DNAI3: variants seen among roughly 807,000 people sequenced by gnomAD.
The protein encoded by DNAI3 is WD repeat domain 63.
DNAI3 carries 83 observed loss-of-function variants against 115.5 expected under a neutral mutation model. That is an observed-to-expected ratio of 0.72 (90% confidence interval 0.60 to 0.86). The LOEUF (loss-of-function observed/expected upper bound fraction) is 0.86. DNAI3 is among the 40% of genes least tolerant of loss of function. DNAI3 has a pLI of 0.00. For synonymous variants in DNAI3, 320 were observed against 347.0 expected (o/e 0.92, Z 0.86); for missense variants, 1,004 against 1,075.8 (o/e 0.93, Z 0.93).
chr1:85,063,249 G>C (rs1557702672), intron 1 of DNAI3, among the ~76,000 whole-genome samples: 1 of 151,988 alleles, frequency 6.6e-6, no homozygotes, highest in Non-Finnish European at 1.5e-5. Flanking sequence ...TTCGGCTTTG[G>C]GGGAAAAGTT....
intron 21 of DNAI3, among the ~76,000 whole-genome samples, chr1:85,129,734 G>A (rs1656256546): frequency 6.6e-6 from 1 of 152,150 alleles, no homozygotes; most frequent in Admixed American, 6.5e-5. Flanking sequence ...CCCCTGAATT[G>A]TACCAGCTCC....
At chr1:85,094,279 C>A in intron 9 of DNAI3, 152 bp from the exon 10 acceptor site, 2 of 1,013,934 alleles carry the variant, frequency 2.0e-6, no homozygotes, top group Non-Finnish European at 2.9e-6. Context: ...TAACTAGTGG[C>A]AACCACATTA....
chr1:85,072,106 T>C (rs1360233491), intron 2 of DNAI3, 101 bp downstream of exon 2: 1 of 1,172,756 alleles, frequency 8.5e-7, no homozygotes, highest in African/African-American at 1.6e-5. Flanking sequence ...AAATAAAATA[T>C]TTCTGTGACA....
intron 10 of DNAI3, among the ~76,000 whole-genome samples, chr1:85,095,055 A>C (rs1655085892): frequency 6.6e-6 from 1 of 152,116 alleles, no homozygotes; most frequent in Non-Finnish European, 1.5e-5. Context: ...TTTTGTATGA[A>C]ATCGCCCAAT....
Position 85,086,487 on chromosome 1 carries a change from C to T in DNAI3, c.740+457C>T, listed in dbSNP as rs79342152. ...ATATGAGGTTCTCCTTCCTCTATGA[C>T]GAGGAACTGTCTGCCTCTCCAGTCC... is the stretch of plus-strand genomic sequence containing the variant. On this transcript the variant is annotated intron_variant, in intron 7 of 22. Transcript: ENST00000294664. 2.3e-3 allele frequency among the ~76,000 whole-genome samples: 344 copies of T among 152,228 alleles called. 13 individuals carry two copies. The East Asian group carries it at 0.057, about 25-fold the overall frequency.
rs1655147079 is a variant in DNAI3 at position 85,097,080 on chromosome 1, A to C, written c.1264-489A>C. On this transcript the variant is annotated intron_variant, in intron 11 of 22. Transcript: ENST00000294664. ...AGTGTTATATATCTACCTTATCCTG[A>C]CTTGTTTTTAAAAAATGGCCTTCTA... 2.0e-5 allele frequency among the ~76,000 whole-genome samples: 3 copies of C among 151,960 alleles called. No individual in the cohort carries two copies. In the South Asian group the frequency reaches 6.2e-4, roughly 32 times the overall value.
intron 20 of DNAI3, among the ~76,000 whole-genome samples, chr1:85,127,806 C>T (rs1435478860): frequency 6.6e-6 from 1 of 152,064 alleles, no homozygotes; most frequent in Non-Finnish European, 1.5e-5. Context: ...AACACACACA[C>T]AGTGAGATAG....
chr1:85,063,057 C>G (rs912558565), intron 1 of DNAI3, among the ~76,000 whole-genome samples: 4 of 152,192 alleles, frequency 2.6e-5, no homozygotes, highest in Non-Finnish European at 4.4e-5. Context: ...CTGCGCAATA[C>G]TTTCTCCTTC....
intron 5 of DNAI3, among the ~76,000 whole-genome samples, chr1:85,082,732 T>C (rs1455869074): frequency 6.6e-6 from 1 of 152,226 alleles, no homozygotes; most frequent in Non-Finnish European, 1.5e-5. Flanking sequence ...GTGATGATTA[T>C]TCTTGTTCAG....
At chr1:85,104,355 C>T (rs1406991560) in intron 13 of DNAI3, among the ~76,000 whole-genome samples, 169 bp from the exon 14 acceptor site, 1 of 152,148 alleles carries the variant, frequency 6.6e-6, no homozygotes, top group East Asian at 1.9e-4. Context: ...CTCCTGACCT[C>T]GTGATCCTCC....
At position 85,110,133 on chromosome 1, in the gene DNAI3, A is replaced by G; in HGVS notation, c.1784A>G (p.Gln595Arg). ...LNEDHLLCKTQDKMLAQSKTE... is the reference protein window; with the variant it reads ...LNEDHLLCKTRDKMLAQSKTE... ...GAAGACCATCTTCTTTGCAAAACAC[A>G]AGGTAACTGCCTTTGCTTATTTAAA... Residue 595 changes from glutamine to arginine, a missense_variant and splice_region_variant, in exon 16 of 23, where the codon CAA becomes CGA. Gln to Arg is a conservative substitution (Grantham distance 43, BLOSUM62 1). Transcript: ENST00000294664. 1.9e-6 allele frequency: 3 copies of G among 1,611,606 alleles called. No individual in the cohort carries two copies. The highest frequency in any genetic ancestry group is 2.5e-6 in the Non-Finnish European group (3 of 1,178,668).
intron 19 of DNAI3, 139 bp from the exon 20 acceptor site, chr1:85,126,372 A>G: frequency 1.2e-6 from 1 of 839,752 alleles, no homozygotes. Context: ...AACAAAGAGA[A>G]GTAAGACTTC....
intron 17 of DNAI3, among the ~76,000 whole-genome samples, chr1:85,121,033 C>T (rs112604386): frequency 1.1e-4 from 16 of 152,246 alleles, no homozygotes; most frequent in African/African-American, 2.9e-4. Context: ...ATTAGGAGAT[C>T]GCATGGGGTG....
At chr1:85,074,275 C>T (rs968875653) in intron 3 of DNAI3, among the ~76,000 whole-genome samples, 7 of 152,182 alleles carry the variant, frequency 4.6e-5, no homozygotes, top group African/African-American at 7.2e-5. Flanking sequence ...GTCCATTTGG[C>T]GCACAGCAGC....
intron 16 of DNAI3, among the ~76,000 whole-genome samples, chr1:85,115,708 G>T (rs1655795372): frequency 6.6e-6 from 1 of 151,274 alleles, no homozygotes; most frequent in Admixed American, 6.6e-5. Flanking sequence ...GCAGGGGGAG[G>T]TGGGGGCAGG....
In DNAI3 at chr1:85,085,922, T is replaced by C. The variant is rs77437162; in HGVS notation, c.632T>C (p.Ile211Thr). 1.9e-6 allele frequency: 3 copies of C among 1,614,180 alleles called. No individual in the cohort carries two copies. The highest frequency in any genetic ancestry group is 2.5e-6 in the Non-Finnish European group (3 of 1,180,026). ...GCTTCCAGTGTAAAAGATGCCTATA[T>C]TGAATGTACAGCCTACCCAGATAAA... ...QNASSVKDAY[I>T]ECTAYPDKNF... Residue 211 changes from isoleucine (I) to threonine (T), a missense_variant, in exon 7 of 23, where the codon ATT (isoleucine) becomes ACT (threonine). Ile to Thr is a moderately conservative substitution (Grantham distance 89). Coordinates refer to ENST00000294664, the MANE Select transcript of DNAI3 (RefSeq NM_145172.5).
At position 85,128,761 on chromosome 1, in the gene DNAI3, G is replaced by C; in HGVS notation, c.2371G>C (p.Glu791Gln). ...TTATTATGGAACACTGCATATATTA[G>C]AAATTCCTTGGACATTAAGTCGCCC... ...ADYYGTLHIL[E>Q]IPWTLSRPST... The change falls in exon 21 of 23, where the codon GAA becomes CAA. Residue 791 changes from glutamate to glutamine, a missense_variant. By Grantham distance (29) the Glu-to-Gln change is conservative (BLOSUM62 2). Transcript: ENST00000294664. The C allele has an allele frequency of 6.2e-7, 1 of 1,613,026 alleles. No individual in the cohort carries two copies. The highest frequency in any genetic ancestry group is 8.5e-7 in the Non-Finnish European group (1 of 1,179,786).
At chr1:85,092,794 TACACACACAC>T (rs58308443) in intron 8 of DNAI3, among the ~76,000 whole-genome samples, 1,656 of 145,350 alleles carry the variant, frequency 0.011, 17 homozygotes, top group Non-Finnish European at 0.017. Flanking sequence ...CAACTAAAAC[TACACACACAC>T]ACACACACAC....
At chr1:85,107,075 A>G (rs187808147) in intron 14 of DNAI3, among the ~76,000 whole-genome samples, 1 of 152,312 alleles carries the variant, frequency 6.6e-6, no homozygotes, top group East Asian at 1.9e-4. Flanking sequence ...AAAAGACAAA[A>G]AGCAACAAGT....
Sources: allele counts gnomAD v4.1 joint callset (sites outside exome capture counted in the v4.1 genomes callset), GRCh38; gene constraint gnomAD v4.1.1; transcripts MANE v1.5; gene names NCBI Gene and HGNC (gene_info 2026-07-23, HGNC 2026-07-21).